TTBK2: variants seen among roughly 807,000 people sequenced by gnomAD.
The protein encoded by TTBK2 is tau tubulin kinase 2.
In TTBK2, 28 loss-of-function variants were observed where a neutral mutation model predicts 110.8. The ratio of observed to expected loss-of-function variants is 0.25; its 90% CI spans 0.19 to 0.35. The LOEUF (loss-of-function observed/expected upper bound fraction) is 0.35. Ranked by LOEUF, TTBK2 falls within the 10% of genes least tolerant of loss-of-function variation. TTBK2 has a pLI of 1.00. For synonymous variants in TTBK2, 532 were observed against 527.3 expected (o/e 1.01, Z -0.12); for missense variants, 1,369 against 1,500.3 (o/e 0.91, Z 1.45).
chr15:42,770,350 T>C (rs7182141), intron 13 of TTBK2, among the ~76,000 whole-genome samples: 40,994 of 151,982 alleles, frequency 0.27, 6,304 homozygotes, highest in African/African-American at 0.41. Context: ...TTTACTAGAT[T>C]GAAGACCCTT....
chr15:42,772,134 A>G (rs951051105), intron 13 of TTBK2, among the ~76,000 whole-genome samples: 2 of 152,008 alleles, frequency 1.3e-5, no homozygotes, highest in Non-Finnish European at 2.9e-5. Flanking sequence ...TTTGTGACTA[A>G]TAGAATATGG....
intron 1 of TTBK2, among the ~76,000 whole-genome samples, chr15:42,880,052 A>G (rs576308024): frequency 6.6e-6 from 1 of 152,092 alleles, no homozygotes; most frequent in Non-Finnish European, 1.5e-5. Context: ...GATAAGAAAG[A>G]AAGCCAGACT....
intron 1 of TTBK2, among the ~76,000 whole-genome samples, chr15:42,899,463 G>A (rs949536232): frequency 8.1e-5 from 12 of 148,080 alleles, no homozygotes; most frequent in East Asian, 2.1e-4. Context: ...AGGTGTGGCC[G>A]GGCACGGTGG....
At chr15:42,867,976 T>C (rs1056437632) in intron 3 of TTBK2, among the ~76,000 whole-genome samples, 6 of 152,088 alleles carry the variant, frequency 3.9e-5, no homozygotes, top group African/African-American at 1.4e-4. Flanking sequence ...AAATGACCTA[T>C]CAAGCCATGA....
chr15:42,752,150 C>G lies in TTBK2; in HGVS notation c.3096G>C (p.Leu1032=). The change falls in exon 14 of 15, where the codon CTG becomes CTC. Residue 1032 remains leucine, a synonymous_variant. Coordinates refer to ENST00000267890, the MANE Select transcript of TTBK2 (RefSeq NM_173500.4). ...PFSRLTVDSH[L]SRSAEDSFLS... is the part of the protein sequence containing the mutation. ...GAAAGCTATCTTCAGCTGACCTACT[C>G]AGGTGAGAATCTACTGTCAGTCTTG... The G allele has an allele frequency of 6.2e-7, 1 of 1,614,222 alleles. No individual in the cohort carries two copies. The highest frequency in any genetic ancestry group is 1.3e-5 in the African/African-American group (1 of 75,056).
intron 9 of TTBK2, 25 bp downstream of exon 9, chr15:42,810,589 C>T: frequency 2.5e-6 from 4 of 1,612,836 alleles, no homozygotes; most frequent in Admixed American, 1.7e-5. Flanking sequence ...AATAACTAAC[C>T]CACAGAACTC....
intron 13 of TTBK2, among the ~76,000 whole-genome samples, chr15:42,757,572 T>A (rs1032127076): frequency 6.6e-6 from 1 of 152,194 alleles, no homozygotes. Context: ...AATAACATTA[T>A]CTGACAAAAT....
At chr15:42,820,367 T>C (rs572490821) in intron 6 of TTBK2, among the ~76,000 whole-genome samples, 3 of 152,114 alleles carry the variant, frequency 2.0e-5, no homozygotes, top group Non-Finnish European at 2.9e-5. Flanking sequence ...TTCCATGTAG[T>C]AGGAGAGAGG....
chr15:42,911,569 C>T (rs1275120375), intron 1 of TTBK2, among the ~76,000 whole-genome samples: 1 of 152,196 alleles, frequency 6.6e-6, no homozygotes, highest in Non-Finnish European at 1.5e-5. Context: ...ATACACTGGA[C>T]TTGCCCTCTT....
intron 3 of TTBK2, among the ~76,000 whole-genome samples, chr15:42,852,046 T>C (rs1269396824): frequency 6.6e-6 from 1 of 151,986 alleles, no homozygotes; most frequent in Non-Finnish European, 1.5e-5. Context: ...GTAGTATAGA[T>C]GTCCCGACAC....
Position 42,752,648 on chromosome 15 carries a change from C to T in TTBK2, c.2598G>A (p.Gln866=), listed in dbSNP as rs767693364. 11 of 1,614,034 alleles carry T rather than the reference C, an allele frequency of 6.8e-6. No individual in the cohort carries two copies. In the African/African-American group the frequency reaches 1.5e-4, roughly 22 times the overall value. ...SRDIDPHVEG[Q]IGQVAEMQKN... is the part of the protein sequence containing the mutation. ...TTTGCATTTCTGCCACTTGGCCTAT[C>T]TGACCTTCAACATGTGGGTCAATGT... The change falls in exon 14 of 15, where the codon CAG becomes CAA. Residue 866 remains glutamine, a synonymous_variant. Transcript: ENST00000267890.
At chr15:42,789,469 C>A (rs973169486) in intron 10 of TTBK2, among the ~76,000 whole-genome samples, 1 of 152,160 alleles carries the variant, frequency 6.6e-6, no homozygotes, top group South Asian at 2.1e-4. Context: ...TGTAGCGGCT[C>A]ATGCCTGTAA....
chr15:42,889,701 C>T (rs1405216718), intron 1 of TTBK2, among the ~76,000 whole-genome samples: 1 of 152,112 alleles, frequency 6.6e-6, no homozygotes, highest in Non-Finnish European at 1.5e-5. Flanking sequence ...TCAATTGATA[C>T]AAAACCGCAT....
At chr15:42,770,950 A>G (rs1400926902) in intron 13 of TTBK2, among the ~76,000 whole-genome samples, 3 of 151,614 alleles carry the variant, frequency 2.0e-5, no homozygotes, top group African/African-American at 2.4e-5. Context: ...GGAAAGCCAC[A>G]TGGAACTATT....
intron 9 of TTBK2, among the ~76,000 whole-genome samples, chr15:42,804,603 G>A (rs999944890): frequency 6.6e-6 from 1 of 152,138 alleles, no homozygotes; most frequent in Non-Finnish European, 1.5e-5. Context: ...CTAAAGAAGA[G>A]TTACAGCCAG....
intron 2 of TTBK2, among the ~76,000 whole-genome samples, chr15:42,877,838 A>G (rs75580066): frequency 0.055 from 8,306 of 152,152 alleles, 707 homozygotes; most frequent in African/African-American, 0.18. Context: ...CTTATTTTTT[A>G]GAGATACATA....
chr15:42,875,055 A>T (rs1894764325), intron 2 of TTBK2, among the ~76,000 whole-genome samples: 1 of 152,152 alleles, frequency 6.6e-6, no homozygotes, highest in African/African-American at 2.4e-5. Flanking sequence ...TGTAGGTTTA[A>T]AAACTCATAA....
In TTBK2 at chr15:42,777,166, C is replaced by T. The variant is rs370495535; in HGVS notation, c.1274G>A (p.Arg425His). The change falls in exon 12 of 15, where the codon CGT (arginine) becomes CAT (histidine). Residue 425 changes from arginine to histidine, a missense_variant. Around this residue, in one of 4 missense-constraint regions of TTBK2, gnomAD observed 1,097 missense variants for 1,114.7 expected, o/e 0.98. Transcript: ENST00000267890. ...LNAPSLGSPI[R>H]VRSEITQPDR... is the part of the protein sequence containing the mutation. The stretch of plus-strand genomic sequence containing the variant: ...TGGCTGAGTAATCTCTGAGCGGACA[C>T]GAATTGGTGACCCAAGGCTTGGAGC... The T allele has an allele frequency of 8.0e-5, 129 of 1,614,164 alleles. 1 individual carries two copies. In the Middle Eastern group the frequency reaches 4.6e-3, roughly 58 times the overall value.
intron 9 of TTBK2, among the ~76,000 whole-genome samples, chr15:42,805,401 C>T (rs1891418348): frequency 6.6e-6 from 1 of 152,098 alleles, no homozygotes; most frequent in Non-Finnish European, 1.5e-5. Context: ...TCAGAGGAGG[C>T]TGCGGAGAAA....
Sources: gnomAD v4.1 joint callset for allele counts (sites outside exome capture counted in the v4.1 genomes callset) on GRCh38, gnomAD v4.1.1 for gene constraint, gnomAD v4.1.1 regional missense constraint, MANE v1.5 for transcripts, NCBI Gene and HGNC (gene_info 2026-07-23, HGNC 2026-07-21) for gene names.